The following WDFY3 variants were observed in gnomAD, a reference collection of about 807,000 sequenced individuals.
WDFY3 encodes the protein WD repeat and FYVE domain-containing protein 3.
A neutral mutation model predicts 409.6 loss-of-function variants in WDFY3; 66 were observed. That is an observed-to-expected ratio of 0.16 (90% confidence interval 0.13 to 0.20). WDFY3 has a LOEUF of 0.20. Ranked by LOEUF, WDFY3 falls within the 10% of genes least tolerant of loss-of-function variation. WDFY3 has a pLI of 1.00. For synonymous variants in WDFY3, 1,521 were observed against 1,537.1 expected (o/e 0.99, Z 0.25); for missense variants, 3,031 against 4,298.1 (o/e 0.71, Z 8.24).
intron 5 of WDFY3, chr4:84,844,572 A>G (rs1166451752): frequency 8.0e-7 from 1 of 1,244,820 alleles, no homozygotes; most frequent in Non-Finnish European, 1.1e-6. Context: ...TAATCCCACC[A>G]CAAGAGTACT....
chr4:84,811,450 C>T (rs990895230), intron 13 of WDFY3, among the ~76,000 whole-genome samples: 1 of 152,058 alleles, frequency 6.6e-6, no homozygotes, highest in Non-Finnish European at 1.5e-5. Flanking sequence ...TCCACTTTAT[C>T]GATAAGGAAT....
intron 10 of WDFY3, among the ~76,000 whole-genome samples, chr4:84,822,790 A>T (rs1754273295): frequency 6.6e-6 from 1 of 152,170 alleles, no homozygotes; most frequent in Non-Finnish European, 1.5e-5. Context: ...CAGGAAATTT[A>T]AAAAATCTCC....
intron 2 of WDFY3, among the ~76,000 whole-genome samples, chr4:84,907,085 A>G (rs1208474442): frequency 1.3e-5 from 2 of 152,132 alleles, no homozygotes; most frequent in African/African-American, 4.8e-5. Flanking sequence ...ATTTATTTCC[A>G]TTTGGACAAA....
chr4:84,907,108 A>G (rs772951948), intron 2 of WDFY3, among the ~76,000 whole-genome samples: 18 of 152,158 alleles, frequency 1.2e-4, no homozygotes, highest in Non-Finnish European at 2.1e-4. Context: ...TATTTTGCAG[A>G]GAGAGAAAAT....
chr4:84,748,383 C>T (rs1226070394), intron 36 of WDFY3, among the ~76,000 whole-genome samples: 2 of 152,106 alleles, frequency 1.3e-5, no homozygotes, highest in Non-Finnish European at 2.9e-5. Context: ...TTGGTCAAGG[C>T]CACACAGCTA....
chr4:84,731,956 C>A (rs1310328304), intron 44 of WDFY3, among the ~76,000 whole-genome samples: 1 of 152,074 alleles, frequency 6.6e-6, no homozygotes, highest in Non-Finnish European at 1.5e-5. Context: ...TATCAAATTG[C>A]TAATGGCTTA....
At chr4:84,859,580 T>A in intron 4 of WDFY3, among the ~76,000 whole-genome samples, 1 of 152,258 alleles carries the variant, frequency 6.6e-6, no homozygotes. Flanking sequence ...AAGTTATTAT[T>A]ATTATTATTT....
At chr4:84,879,237 G>A (rs1763171853) in intron 3 of WDFY3, among the ~76,000 whole-genome samples, 1 of 152,140 alleles carries the variant, frequency 6.6e-6, no homozygotes. Context: ...AACCCTTGAT[G>A]CTTCTCCCAG....
At chr4:84,702,307 C>T in intron 56 of WDFY3, 46 bp downstream of exon 56, 1 of 1,507,038 alleles carries the variant, frequency 6.6e-7, no homozygotes, top group Non-Finnish European at 8.9e-7. Context: ...TTCTATTGGA[C>T]TTTTCCTGGC....
intron 2 of WDFY3, among the ~76,000 whole-genome samples, chr4:84,902,870 A>G (rs1427289305): frequency 6.6e-6 from 1 of 152,202 alleles, no homozygotes; most frequent in East Asian, 1.9e-4. Flanking sequence ...GATTGGAGAT[A>G]GCATATGTAA....
intron 44 of WDFY3, among the ~76,000 whole-genome samples, chr4:84,732,342 G>A (rs1204305019): frequency 6.6e-6 from 1 of 152,136 alleles, no homozygotes; most frequent in Non-Finnish European, 1.5e-5. Context: ...ATTAAATCAA[G>A]CTAATTAACA....
At position 84,679,241 on chromosome 4, in the gene WDFY3, C is replaced by G; in HGVS notation, c.9825G>C (p.Gly3275=). 1 of 1,514,146 alleles carries G rather than the reference C, an allele frequency of 6.6e-7. No homozygotes were observed. 93.8% of individuals were successfully genotyped at this position (1,514,146 alleles called of 1,614,324 possible). A position where few individuals can be genotyped will look rare whatever the true frequency, so the allele number is the denominator to read the frequency against. ...MQEDCPEAQI[G]QEAQDEDSSD... ...TGCTGTCCTCGTCTTGGGCTTCCTG[C>G]CCTGGGTGAAGCATTGAGAGAATTG... Residue 3275 remains glycine (G), a splice_region_variant and synonymous_variant, in exon 65 of 68, where the codon GGG becomes GGC. Coordinates refer to ENST00000295888, the MANE Select transcript of WDFY3 (RefSeq NM_014991.6).
At chr4:84,785,402 G>C (rs1363426976) in intron 24 of WDFY3, among the ~76,000 whole-genome samples, 1 of 152,028 alleles carries the variant, frequency 6.6e-6, no homozygotes, top group Admixed American at 6.6e-5. Context: ...TCCCTGTCAA[G>C]TCTTTGCTCA....
chr4:84,821,799 T>C (rs1210861436), intron 10 of WDFY3, among the ~76,000 whole-genome samples: 1 of 152,232 alleles, frequency 6.6e-6, no homozygotes, highest in Non-Finnish European at 1.5e-5. Context: ...GTTGAAAAGT[T>C]AGACTGTTTT....
intron 61 of WDFY3, among the ~76,000 whole-genome samples, chr4:84,689,207 A>C (rs1578139433): frequency 1.3e-5 from 2 of 152,252 alleles, no homozygotes; most frequent in Admixed American, 6.5e-5. Flanking sequence ...AAGGTTGATA[A>C]ATTTTTTAAT....
intron 3 of WDFY3, among the ~76,000 whole-genome samples, chr4:84,862,584 T>C (rs1033424622): frequency 3.9e-5 from 6 of 152,366 alleles, no homozygotes; most frequent in Admixed American, 6.5e-5. Flanking sequence ...GCTAACATTT[T>C]AGATTATGTA....
At chr4:84,852,766 T>C (rs1759203126) in intron 4 of WDFY3, among the ~76,000 whole-genome samples, 1 of 148,656 alleles carries the variant, frequency 6.7e-6, no homozygotes, top group South Asian at 2.1e-4. Context: ...AACCTCCCCT[T>C]TTTTTTTTTG....
chr4:84,678,026 C>T (rs1235423914), intron 66 of WDFY3, 142 bp downstream of exon 66: 2 of 387,676 alleles, frequency 5.2e-6, no homozygotes, highest in Non-Finnish European at 9.9e-6. Flanking sequence ...TAACAGGGTT[C>T]TTCTTCAAAT....
chr4:84,743,592 C>T, intron 37 of WDFY3, 108 bp downstream of exon 37: 2 of 703,718 alleles, frequency 2.8e-6, no homozygotes, highest in Non-Finnish European at 4.1e-6. Flanking sequence ...GTATGAGAAG[C>T]TAGACAAAAA....
Sources: gnomAD v4.1 joint callset for allele counts (sites outside exome capture counted in the v4.1 genomes callset) on GRCh38, gnomAD v4.1.1 for gene constraint, MANE v1.5 for transcripts, NCBI Gene and HGNC (gene_info 2026-07-23, HGNC 2026-07-21) for gene names.